OSTM1: variants seen among roughly 807,000 people sequenced by gnomAD.
The protein encoded by OSTM1 is osteoclastogenesis associated transmembrane protein 1.
Under a neutral mutation model 35.4 loss-of-function variants are expected in OSTM1, and 26 were observed. The observed-to-expected ratio is 0.73, with a 90% CI of 0.54 to 1.02. The LOEUF (loss-of-function observed/expected upper bound fraction) is 1.02. OSTM1 is among the 50% of genes least tolerant of loss of function. The pLI, the probability that OSTM1 is intolerant of heterozygous loss-of-function variation, is 0.00. For missense variants in OSTM1, 366 were observed against 409.6 expected, an observed-to-expected ratio of 0.89 and a Z score of 0.92; for synonymous variants, 181 against 165.0, an observed-to-expected ratio of 1.10 and a Z score of -0.75.
intron 1 of OSTM1, among the ~76,000 whole-genome samples, chr6:108,072,666 A>G (rs1772505802): frequency 6.6e-6 from 1 of 151,866 alleles, no homozygotes. Context: ...AAAAAAAAAA[A>G]ACATGCTCTT....
intron 2 of OSTM1, among the ~76,000 whole-genome samples, chr6:108,058,592 C>T (rs887790490): frequency 9.9e-5 from 15 of 152,070 alleles, no homozygotes; most frequent in African/African-American, 2.4e-4. Flanking sequence ...ATCGAGACCA[C>T]GGTGAAACCC....
At chr6:108,059,101 A>G (rs892836250) in intron 2 of OSTM1, among the ~76,000 whole-genome samples, 1 of 152,206 alleles carries the variant, frequency 6.6e-6, no homozygotes, top group Non-Finnish European at 1.5e-5. Flanking sequence ...ACTGCTTACC[A>G]AAGAACCAAA....
chr6:108,057,027 G>A (rs1772181331), intron 2 of OSTM1, among the ~76,000 whole-genome samples: 1 of 152,126 alleles, frequency 6.6e-6, no homozygotes, highest in South Asian at 2.1e-4. Flanking sequence ...CCAGGAGTTC[G>A]AGACCAGCCT....
At chr6:108,048,671 T>C (rs1772022767) in intron 5 of OSTM1, among the ~76,000 whole-genome samples, 1 of 152,118 alleles carries the variant, frequency 6.6e-6, no homozygotes, top group Non-Finnish European at 1.5e-5. Flanking sequence ...CTGTTGTTAT[T>C]CTTCTGTTGT....
At chr6:108,057,998 G>C (rs112630260) in intron 2 of OSTM1, among the ~76,000 whole-genome samples, 14 of 151,360 alleles carry the variant, frequency 9.2e-5, no homozygotes, top group African/African-American at 3.4e-4. Flanking sequence ...CAGATTAGCA[G>C]AGTGGCTTTC....
chr6:108,055,082 C>T (rs1190826151), intron 2 of OSTM1, among the ~76,000 whole-genome samples: 2 of 152,126 alleles, frequency 1.3e-5, no homozygotes, highest in Non-Finnish European at 2.9e-5. Context: ...GAGTTGGGAG[C>T]CCAGAGAAAC....
At chr6:108,069,278 A>C (rs1229083815) in intron 1 of OSTM1, among the ~76,000 whole-genome samples, 2 of 152,232 alleles carry the variant, frequency 1.3e-5, no homozygotes, top group African/African-American at 4.8e-5. Context: ...ATAGGTACTC[A>C]ATAATTTTTT....
Position 108,043,445 on chromosome 6 carries a change from T to C in OSTM1, c.*1340A>G, listed in dbSNP as rs1428644875. 1 of 152,174 alleles carries C rather than the reference T, an allele frequency of 6.6e-6. No homozygotes were observed. Among genetic ancestry groups the C allele is most frequent in the Admixed American group, 6.6e-5 (1 of 15,264 alleles). The allele number at this position is 152,174 out of a possible 1,614,324, so 9.4% of individuals were successfully genotyped here. On this transcript the variant is annotated 3_prime_UTR_variant, in exon 6 of 6. Transcript: ENST00000193322. ...CTTTGTCTCCCTATAGAGCATTTTA[T>C]AGTATAGGAAGGGATTCAAATTCTC...
intron 3 of OSTM1, 75 bp downstream of exon 3, chr6:108,054,415 T>C (rs1463564952): frequency 9.1e-6 from 6 of 660,830 alleles, no homozygotes; most frequent in Non-Finnish European, 1.6e-5. Context: ...TAATTAGTGC[T>C]CTAAAAACTT....
chr6:108,056,362 C>A (rs1469869742), intron 2 of OSTM1, among the ~76,000 whole-genome samples: 2 of 152,154 alleles, frequency 1.3e-5, no homozygotes, highest in Non-Finnish European at 2.9e-5. Flanking sequence ...TGAGCCTGCA[C>A]TCTCAAACAC....
rs1772339042 is a variant in OSTM1 at position 108,064,235 on chromosome 6, A to G, written c.467T>C (p.Val156Ala). Residue 156 changes from valine to alanine, a missense_variant, in exon 2 of 6, where the codon GTG (valine) becomes GCG (alanine). Transcript: ENST00000193322. ...GGTATTAAAAAATTCTGAGAGAATC[A>G]CAACTATTTGCATTCTATCTGCCAT... ...LLMADRMQIV[V>A]ILSEFFNTTW... 1 of 1,606,766 alleles carries G rather than the reference A, an allele frequency of 6.2e-7. No homozygotes were observed. The highest frequency in any genetic ancestry group is 1.3e-5 in the African/African-American group (1 of 74,830).
At chr6:108,067,074 A>C (rs1201473507) in intron 1 of OSTM1, among the ~76,000 whole-genome samples, 1 of 152,208 alleles carries the variant, frequency 6.6e-6, no homozygotes, top group Non-Finnish European at 1.5e-5. Context: ...TTAATTCCAA[A>C]GTAAATCCAT....
At chr6:108,047,903 T>C (rs893088911) in intron 5 of OSTM1, among the ~76,000 whole-genome samples, 1 of 152,212 alleles carries the variant, frequency 6.6e-6, no homozygotes, top group Non-Finnish European at 1.5e-5. Flanking sequence ...GCAAATAAGA[T>C]GCTAAACTTT....
intron 1 of OSTM1, among the ~76,000 whole-genome samples, chr6:108,072,983 A>G (rs937273723): frequency 3.3e-5 from 5 of 152,056 alleles, no homozygotes; most frequent in Non-Finnish European, 5.9e-5. Context: ...TAATTTTTGT[A>G]TTTTTAGTAG....
chr6:108,049,392 A>G lies in OSTM1; in HGVS notation c.810T>C (p.Ser270=), dbSNP rs1244048510. 50 of 1,613,712 alleles carry G rather than the reference A, an allele frequency of 3.1e-5. No individual in the cohort carries two copies. Among genetic ancestry groups the G allele is most frequent in the Non-Finnish European group, 4.2e-5 (49 of 1,179,842 alleles). Residue 270 remains serine, a synonymous_variant, in exon 5 of 6, where the codon AGT becomes AGC. Coordinates refer to ENST00000193322, the MANE Select transcript of OSTM1 (RefSeq NM_014028.4). ...AAGGGACTGAACAGTTGAAAGTTCG[A>G]CTCCATAGTTTTCGAGTGATGTTCA... ...DAMNITRKLW[S]RTFNCSVPCS...
rs549673160 is a variant in OSTM1 at position 108,072,487 on chromosome 6, G to A, written c.402+1763C>T. Among the ~76,000 whole-genome samples, 7 of 151,934 alleles carry A rather than the reference G, an allele frequency of 4.6e-5. No individual in the cohort carries two copies. The East Asian group carries it at 1.4e-3, about 30-fold the overall frequency. ...GTCTCTACTAAAAATACAATAATTA[G>A]TTAGGTGTGGCAGTGCACATCTGTA... On this transcript the variant is annotated intron_variant, in intron 1 of 5. Transcript: ENST00000193322.
intron 2 of OSTM1, among the ~76,000 whole-genome samples, chr6:108,057,824 T>C (rs539873808): frequency 6.6e-6 from 1 of 152,252 alleles, no homozygotes; most frequent in South Asian, 2.1e-4. Flanking sequence ...TTTATCTTTT[T>C]GCAGGAATTG....
In OSTM1 at chr6:108,074,705, G is replaced by T; in HGVS notation, c.-54C>A. ...ACCGCCGCCTCTCCGCCCCCAGCCG[G>T]CACCGCGGACAGCCGCCGCTTCCGG... is the stretch of plus-strand genomic sequence containing the variant. On this transcript the variant is annotated 5_prime_UTR_variant, in exon 1 of 6. Coordinates refer to ENST00000193322, the MANE Select transcript of OSTM1 (RefSeq NM_014028.4). 1 of 1,454,702 alleles carries T rather than the reference G, an allele frequency of 6.9e-7. No homozygotes were observed. Among genetic ancestry groups the T allele is most frequent in the South Asian group, 1.3e-5 (1 of 74,554 alleles). 90.1% of individuals were successfully genotyped at this position (1,454,702 alleles called of 1,614,324 possible).
In OSTM1 at chr6:108,051,060, T is replaced by C; in HGVS notation, c.754A>G (p.Thr252Ala). The change falls in exon 4 of 6, where the codon ACA becomes GCA. Residue 252 changes from threonine to alanine, a missense_variant. By Grantham distance (58) the Thr-to-Ala change is moderately conservative (BLOSUM62 0). Coordinates refer to ENST00000193322, the MANE Select transcript of OSTM1 (RefSeq NM_014028.4). ...NELENKAEPG[T>A]HLCIDVEDAM... is the part of the protein sequence containing the mutation. Reference sequence around the variant, plus strand: ...TCTTCCACATCAATGCATAAATGTGTTCCAGGTTCAGCCTTATTCTCAAGT... The same window carrying C: ...TCTTCCACATCAATGCATAAATGTGCTCCAGGTTCAGCCTTATTCTCAAGT... 2 of 1,613,748 alleles carry C rather than the reference T, an allele frequency of 1.2e-6. No individual in the cohort carries two copies. The highest frequency in any genetic ancestry group is 1.7e-6 in the Non-Finnish European group (2 of 1,179,788).
Sources: allele counts gnomAD v4.1 joint callset (sites outside exome capture counted in the v4.1 genomes callset), GRCh38; gene constraint gnomAD v4.1.1; transcripts MANE v1.5; gene names NCBI Gene and HGNC (gene_info 2026-07-23, HGNC 2026-07-21).